Variants in NSD2 observed in about 807,000 individuals in gnomAD.
NSD2 encodes nuclear receptor binding SET domain protein 2.
In NSD2, 12 loss-of-function variants were observed where a neutral mutation model predicts 139.0. The ratio of observed to expected loss-of-function variants is 0.09; its 90% CI spans 0.06 to 0.14. The LOEUF is 0.14. NSD2 is among the 10% of genes least tolerant of loss of function. The pLI is 1.00. For missense variants in NSD2, 1,155 were observed against 1,745.0 expected (o/e 0.66, Z 6.02); for synonymous variants, 669 against 648.7 (o/e 1.03, Z -0.48).
intron 1 of NSD2, among the ~76,000 whole-genome samples, chr4:1,892,534 C>T (rs966311034): frequency 2.0e-5 from 3 of 152,168 alleles, no homozygotes; most frequent in African/African-American, 7.2e-5. Context: ...ACTCTTCCCA[C>T]CTCTGTTCCT....
chr4:1,886,185 C>G (rs1383557104), intron 1 of NSD2, among the ~76,000 whole-genome samples: 1 of 152,150 alleles, frequency 6.6e-6, no homozygotes, highest in Non-Finnish European at 1.5e-5. Context: ...AAGGCAACCT[C>G]TGCTCTTTCA....
At chr4:1,919,182 A>C (rs999753059) in intron 5 of NSD2, 5 of 152,130 alleles carry the variant, frequency 3.3e-5, no homozygotes, top group African/African-American at 1.2e-4. Flanking sequence ...AAAAAAAAAA[A>C]AAAAAACTAG....
At chr4:1,933,105 G>A (rs1039186449) in intron 6 of NSD2, among the ~76,000 whole-genome samples, 2 of 152,184 alleles carry the variant, frequency 1.3e-5, no homozygotes, top group African/African-American at 2.4e-5. Flanking sequence ...TGGGCTTCAC[G>A]AGGGCTGCTT....
At chr4:1,885,859 T>C (rs1715045706) in intron 1 of NSD2, among the ~76,000 whole-genome samples, 1 of 152,108 alleles carries the variant, frequency 6.6e-6, no homozygotes, top group Non-Finnish European at 1.5e-5. Flanking sequence ...AAAAACTGAG[T>C]TGTGTGAGTT....
At chr4:1,874,189 G>A (rs1016913419) in intron 1 of NSD2, among the ~76,000 whole-genome samples, 3 of 152,154 alleles carry the variant, frequency 2.0e-5, no homozygotes, top group African/African-American at 7.2e-5. Flanking sequence ...GGCTGCTCAT[G>A]GCCATAGAAT....
intron 1 of NSD2, among the ~76,000 whole-genome samples, chr4:1,890,537 G>C (rs1310125786): frequency 6.6e-6 from 1 of 151,742 alleles, no homozygotes; most frequent in African/African-American, 2.4e-5. Context: ...TCCTGACCTC[G>C]TGATCCGCCC....
At chr4:1,966,939 A>G (rs1032472789) in intron 18 of NSD2, among the ~76,000 whole-genome samples, 6 of 152,200 alleles carry the variant, frequency 3.9e-5, no homozygotes, top group African/African-American at 1.2e-4. Context: ...AAGTTATAAC[A>G]TTATATAGAG....
In NSD2 at chr4:1,955,611, T is replaced by A; in HGVS notation, c.2519-82T>A. 1 of 1,461,202 alleles carries A rather than the reference T, an allele frequency of 6.8e-7. No homozygotes were observed. The highest frequency in any genetic ancestry group is 9.1e-7 in the Non-Finnish European group (1 of 1,099,640). 90.5% of individuals were successfully genotyped at this position (1,461,202 alleles called of 1,614,324 possible). ...TGATGTTTATAAGTTAAGGCTGTAA[T>A]AAGTGTAGACTGTGAAGCACTGAAT... is the stretch of plus-strand genomic sequence containing the variant. On this transcript the variant is annotated intron_variant, in intron 13 of 21. Transcript: ENST00000508803. This position sits in a 1 kb window ranked among gnomAD's most constrained non-coding sequence, Gnocchi z 4.7.
intron 16 of NSD2, 47 bp from the exon 17 acceptor site, chr4:1,959,424 G>A (rs377547136): frequency 1.8e-5 from 28 of 1,588,830 alleles, no homozygotes; most frequent in East Asian, 4.5e-5. Flanking sequence ...AAGGGTATTC[G>A]GAAGGCTCTC....
intron 9 of NSD2, chr4:1,944,927 G>T (rs1449886417): frequency 6.2e-5 from 66 of 1,063,240 alleles, no homozygotes; most frequent in Non-Finnish European, 7.4e-5. Context: ...AACAGCTCCA[G>T]TGTTTTTAAG....
intron 9 of NSD2, chr4:1,941,373 C>G (rs1723077388): frequency 9.5e-7 from 1 of 1,051,000 alleles, no homozygotes; most frequent in African/African-American, 1.7e-5. Flanking sequence ...GAGATCTTCT[C>G]TGTTATTCCT....
At chr4:1,970,595 GT>G (rs1726356132) in intron 18 of NSD2, among the ~76,000 whole-genome samples, 1 of 152,178 alleles carries the variant, frequency 6.6e-6, no homozygotes, top group South Asian at 2.1e-4. Flanking sequence ...AGAAAGGAGG[GT>G]AAGTTCACCC....
chr4:1,934,748 T>G (rs1340908472), intron 6 of NSD2, among the ~76,000 whole-genome samples: 1 of 139,220 alleles, frequency 7.2e-6, no homozygotes, highest in African/African-American at 2.7e-5. Context: ...CTCAGGAGGC[T>G]GAGGCAGGAG....
intron 1 of NSD2, chr4:1,892,401 G>C (rs2108706885): frequency 6.6e-6 from 1 of 152,250 alleles, no homozygotes; most frequent in East Asian, 1.9e-4. Context: ...GGTCCTATAG[G>C]GGCTGTTCAG....
chr4:1,966,851 T>A (rs1725943443), intron 18 of NSD2, among the ~76,000 whole-genome samples: 1 of 152,186 alleles, frequency 6.6e-6, no homozygotes, highest in Non-Finnish European at 1.5e-5. Flanking sequence ...TTTTGTGATA[T>A]GAGCAACTGA....
chr4:1,940,776 G>C lies in NSD2; in HGVS notation c.1881+998G>C, dbSNP rs1723009319. ...GGTCTCTGCCATGGTCCCCAGGAAGGATGGGGTGTGCCTCAGTTGTTTCCA... is the reference window on the plus strand; with the variant it reads ...GGTCTCTGCCATGGTCCCCAGGAAGCATGGGGTGTGCCTCAGTTGTTTCCA... On this transcript the variant is annotated intron_variant, in intron 9 of 21. Transcript: ENST00000508803. 2.8e-6 allele frequency: 3 copies of C among 1,060,058 alleles called. No homozygotes were observed. The Admixed American group carries it at 1.6e-4, about 57-fold the overall frequency. The allele number at this position is 1,060,058 out of a possible 1,614,324, so 65.7% of individuals were successfully genotyped here. A position where few individuals can be genotyped will look rare whatever the true frequency, so the allele number is the denominator to read the frequency against.
intron 21 of NSD2, 73 bp from the exon 22 acceptor site, chr4:1,978,562 GTCA>G: frequency 6.5e-7 from 1 of 1,537,120 alleles, no homozygotes; most frequent in Non-Finnish European, 8.8e-7. Flanking sequence ...ACAGTTGTAA[GTCA>G]TCTTCAACCA....
chr4:1,887,315 G>A (rs1715186129), intron 1 of NSD2, among the ~76,000 whole-genome samples: 1 of 152,096 alleles, frequency 6.6e-6, no homozygotes, highest in Admixed American at 6.6e-5. Context: ...CATCACTTTT[G>A]ACATGTTCTT....
chr4:1,926,714 G>T (rs1363448962), intron 5 of NSD2, among the ~76,000 whole-genome samples: 5 of 152,060 alleles, frequency 3.3e-5, no homozygotes, highest in Non-Finnish European at 5.9e-5. Flanking sequence ...CAGGTGATCT[G>T]CCCACCTCGG....
Sources: allele counts gnomAD v4.1 joint callset (sites outside exome capture counted in the v4.1 genomes callset), GRCh38; gene constraint gnomAD v4.1.1; non-coding constraint Gnocchi (gnomAD v3.1); transcripts MANE v1.5; gene names NCBI Gene and HGNC (gene_info 2026-07-23, HGNC 2026-07-21).